CSMD1: variants seen among roughly 807,000 people sequenced by gnomAD.
The protein encoded by CSMD1 is CUB and Sushi multiple domains 1.
CSMD1 carries 213 observed loss-of-function variants against 417.5 expected under a neutral mutation model. The ratio of observed to expected loss-of-function variants is 0.51; its 90% CI spans 0.46 to 0.57. The LOEUF (loss-of-function observed/expected upper bound fraction) is 0.57, where lower values mean the gene tolerates loss of function less well. Among genes scored for constraint, CSMD1 ranks in the 20% least tolerant of loss-of-function variants. The probability of loss-of-function intolerance (pLI) is 0.00; values close to 1 mark genes in which losing one functional copy is unlikely to be tolerated. For missense variants in CSMD1, 6,923 were observed against 4,529.7 expected, an observed-to-expected ratio of 1.53 and a Z score of -15.17; for synonymous variants, 2,862 against 1,736.8, an observed-to-expected ratio of 1.65 and a Z score of -16.11.
chr8:3,434,174 G>C (rs920020089), intron 12 of CSMD1, among the ~76,000 whole-genome samples: 2 of 152,154 alleles, frequency 1.3e-5, no homozygotes, highest in African/African-American at 2.4e-5. Context: ...GGCCATCATA[G>C]TAAATATTCC....
At chr8:4,284,039 G>T (rs553532402) in intron 3 of CSMD1, among the ~76,000 whole-genome samples, 1 of 152,184 alleles carries the variant, frequency 6.6e-6, no homozygotes, top group South Asian at 2.1e-4. Context: ...TCGAAACCAG[G>T]CTGGCCATCA....
intron 36 of CSMD1, chr8:3,182,962 G>GTTAGTTAGGATGGTCTCGATCAAC (rs1203507227): frequency 2.0e-5 from 3 of 149,822 alleles, no homozygotes; most frequent in Non-Finnish European, 4.4e-5. Context: ...GTTTCACCGT[G>GTTAGTTAGGATGGTCTCGATCAAC]TTAGTTAGGA....
chr8:3,883,394 C>A (rs148810677), intron 5 of CSMD1, among the ~76,000 whole-genome samples: 1 of 151,926 alleles, frequency 6.6e-6, no homozygotes, highest in Non-Finnish European at 1.5e-5. Flanking sequence ...TAGTTTTAAA[C>A]TGGGTGTATG....
intron 5 of CSMD1, among the ~76,000 whole-genome samples, chr8:3,767,626 T>C (rs902381679): frequency 2.6e-5 from 4 of 152,210 alleles, no homozygotes; most frequent in African/African-American, 9.6e-5. Context: ...TCCACTTGCA[T>C]ATATATTCAC....
chr8:3,876,196 G>T (rs74737383), intron 5 of CSMD1, among the ~76,000 whole-genome samples: 1 of 152,146 alleles, frequency 6.6e-6, no homozygotes, highest in South Asian at 2.1e-4. Flanking sequence ...TTGAAAGGAG[G>T]GGAGGGGAAA....
At chr8:3,531,263 C>T (rs1797968641) in intron 10 of CSMD1, among the ~76,000 whole-genome samples, 1 of 152,136 alleles carries the variant, frequency 6.6e-6, no homozygotes, top group South Asian at 2.1e-4. Context: ...GGCTTTTATT[C>T]ACCATGGATA....
intron 42 of CSMD1, among the ~76,000 whole-genome samples, chr8:3,112,198 T>C (rs1297511634): frequency 2.0e-5 from 3 of 152,124 alleles, no homozygotes; most frequent in South Asian, 2.1e-4. Flanking sequence ...AATTGATAAA[T>C]TGGTGAATTA....
At chr8:4,923,409 T>C (rs1422569821) in intron 1 of CSMD1, among the ~76,000 whole-genome samples, 2 of 152,146 alleles carry the variant, frequency 1.3e-5, no homozygotes, top group Non-Finnish European at 2.9e-5. Flanking sequence ...ACTCAAAGGA[T>C]AAATGTTGGA....
At chr8:4,855,073 G>A (rs1024445168) in intron 1 of CSMD1, among the ~76,000 whole-genome samples, 3 of 152,110 alleles carry the variant, frequency 2.0e-5, no homozygotes, top group Admixed American at 6.5e-5. Context: ...ATCTGAGAAC[G>A]GGCAGACTGC....
intron 25 of CSMD1, among the ~76,000 whole-genome samples, chr8:3,288,673 A>T (rs976997872): frequency 6.8e-6 from 1 of 146,566 alleles, no homozygotes; most frequent in Non-Finnish European, 1.5e-5. Flanking sequence ...TATTGTGTCT[A>T]TTTGATTCTT....
chr8:4,780,774 G>A (rs1195836007), intron 1 of CSMD1, among the ~76,000 whole-genome samples: 1 of 151,930 alleles, frequency 6.6e-6, no homozygotes, highest in Non-Finnish European at 1.5e-5. Context: ...TTATGCCTTT[G>A]TGTCCTCATA....
At chr8:3,504,866 G>C (rs1334023940) in intron 10 of CSMD1, among the ~76,000 whole-genome samples, 1 of 152,172 alleles carries the variant, frequency 6.6e-6, no homozygotes, top group Non-Finnish European at 1.5e-5. Context: ...GAAAATGATA[G>C]TGGCAAATGT....
intron 9 of CSMD1, among the ~76,000 whole-genome samples, chr8:3,584,793 T>C (rs1800528180): frequency 6.6e-6 from 1 of 152,216 alleles, no homozygotes; most frequent in Non-Finnish European, 1.5e-5. Context: ...TGAAGGATTT[T>C]TTTTTCCCCA....
intron 1 of CSMD1, among the ~76,000 whole-genome samples, chr8:4,978,283 G>C (rs918971893): frequency 1.3e-5 from 2 of 152,138 alleles, no homozygotes; most frequent in African/African-American, 4.8e-5. Flanking sequence ...AGGTATAGCA[G>C]CTTTTTCAAC....
intron 5 of CSMD1, among the ~76,000 whole-genome samples, chr8:3,895,016 G>C (rs1397207070): frequency 2.0e-5 from 3 of 152,138 alleles, no homozygotes; most frequent in Non-Finnish European, 2.9e-5. Context: ...GCTTAGTGGA[G>C]GCCATTTGTG....
chr8:4,828,675 G>T (rs1418058391), intron 1 of CSMD1, among the ~76,000 whole-genome samples: 1 of 152,078 alleles, frequency 6.6e-6, no homozygotes, highest in Non-Finnish European at 1.5e-5. Context: ...ACATTGACCA[G>T]AGCCCAGGTG....
chr8:4,166,309 C>G (rs941865591), intron 3 of CSMD1, among the ~76,000 whole-genome samples: 2 of 152,044 alleles, frequency 1.3e-5, no homozygotes, highest in African/African-American at 4.8e-5. Context: ...TTTGTATTAT[C>G]TTTTTTGTAA....
intron 5 of CSMD1, among the ~76,000 whole-genome samples, chr8:3,932,079 T>C (rs1396777861): frequency 6.6e-6 from 1 of 150,408 alleles, no homozygotes; most frequent in Non-Finnish European, 1.5e-5. Context: ...ACATATCTAT[T>C]GGAATGACAC....
chr8:4,502,034 G>C (rs954962756), intron 2 of CSMD1, among the ~76,000 whole-genome samples: 10 of 152,024 alleles, frequency 6.6e-5, no homozygotes, highest in South Asian at 2.1e-4. Flanking sequence ...CTGAAGTTAA[G>C]AATAACAATT....
Sources: allele counts gnomAD v4.1 joint callset (sites outside exome capture counted in the v4.1 genomes callset), GRCh38; gene constraint gnomAD v4.1.1; transcripts MANE v1.5; gene names NCBI Gene and HGNC (gene_info 2026-07-23, HGNC 2026-07-21).